Variants in DMRTA1 observed in about 807,000 individuals in gnomAD.
DMRTA1 encodes the protein DMRT like family A1.
DMRTA1 carries 34 observed loss-of-function variants against 35.2 expected under a neutral mutation model. That is an observed-to-expected ratio of 0.97 (90% CI 0.74 to 1.29). The LOEUF (loss-of-function observed/expected upper bound fraction) is 1.29, where lower values mean the gene tolerates loss of function less well. Among genes scored for constraint, DMRTA1 ranks in the 50% most tolerant of loss-of-function variants. The pLI, the probability that DMRTA1 is intolerant of heterozygous loss-of-function variation, is 0.00. For synonymous variants in DMRTA1, 344 were observed against 276.6 expected, an observed-to-expected ratio of 1.24 and a Z score of -2.42; for missense variants, 824 against 644.6, an observed-to-expected ratio of 1.28 and a Z score of -3.01.
chr9:22,453,278 T>C lies in DMRTA1; in HGVS notation c.*1367T>C, dbSNP rs953601702. On this transcript the variant is annotated 3_prime_UTR_variant, in exon 2 of 2. Coordinates refer to ENST00000325870, the MANE Select transcript of DMRTA1 (RefSeq NM_022160.3). ...TTTTTAAATTATATGTATATACGTA[T>C]GTGTGTATGCATCTATATGCACATA... The C allele has an allele frequency of 2.6e-5, 4 of 152,116 alleles. No individual in the cohort carries two copies. The highest frequency in any genetic ancestry group is 5.9e-5 in the Non-Finnish European group (4 of 67,950). 9.4% of individuals were successfully genotyped at this position (152,116 alleles called of 1,614,324 possible). A position where few individuals can be genotyped will look rare whatever the true frequency, so the allele number is the denominator to read the frequency against.
rs1818976503 is a variant in DMRTA1 at position 22,454,425 on chromosome 9, T to C, written c.*2514T>C. On this transcript the variant is annotated 3_prime_UTR_variant, in exon 2 of 2. Transcript: ENST00000325870. ...TTCAACACCTATTTAATATTTTTAA[T>C]AATCTATTTGTGCCATGCACTGTGT... 1 of 152,230 alleles carries C rather than the reference T, an allele frequency of 6.6e-6. No individual in the cohort carries two copies. Among genetic ancestry groups the C allele is most frequent in the Admixed American group, 6.5e-5 (1 of 15,288 alleles). The allele number at this position is 152,230 out of a possible 1,614,324, so 9.4% of individuals were successfully genotyped here.
At position 22,450,209 on chromosome 9, in the gene DMRTA1, G is replaced by A. The variant is rs114337440; in HGVS notation, c.668-855G>A. Among the ~76,000 whole-genome samples, 811 of 152,228 alleles carry A rather than the reference G, an allele frequency of 5.3e-3. 8 individuals are homozygous for A. The highest frequency in any genetic ancestry group is 0.018 in the African/African-American group (738 of 41,570). On this transcript the variant is annotated intron_variant, in intron 1 of 1. Coordinates refer to ENST00000325870, the MANE Select transcript of DMRTA1 (RefSeq NM_022160.3). ...GAAAATTGCCCCTAACATTGGAGGA[G>A]GGCTGTGATTTAAAGCAAATGCCTA...
In DMRTA1 at chr9:22,451,516, A is replaced by C; in HGVS notation, c.1120A>C (p.Arg374=). The change falls in exon 2 of 2, where the codon AGG becomes CGG. Residue 374 remains arginine (R), a synonymous_variant. Transcript: ENST00000325870. The part of the protein sequence containing the change: ...LNGKEHKPDN[R]NLANSEELEN... ...TGGCAAAGAACACAAGCCAGACAAC[A>C]GGAACCTAGCAAACTCAGAAGAACT... The C allele has an allele frequency of 6.2e-7, 1 of 1,614,178 alleles. No homozygotes were observed. Among genetic ancestry groups the C allele is most frequent in the Non-Finnish European group, 8.5e-7 (1 of 1,179,988 alleles).
Position 22,447,431 on chromosome 9 carries a change from G to A in DMRTA1, c.366G>A (p.Ala122=). The change falls in exon 1 of 2, where the codon GCG becomes GCA. Residue 122 remains alanine, a synonymous_variant. Transcript: ENST00000325870. ...HKRFCRWRDC[A]CAKCTLIAER... is the part of the protein sequence containing the mutation. ...GCTTCTGCCGCTGGCGGGACTGCGC[G>A]TGTGCCAAGTGCACCCTGATCGCCG... 6.4e-7 allele frequency: 1 copy of A among 1,552,302 alleles called. No homozygotes were observed. The highest frequency in any genetic ancestry group is 1.2e-5 in the South Asian group (1 of 84,824).
Position 22,447,279 on chromosome 9 carries a change from G to C in DMRTA1, c.214G>C (p.Gly72Arg), listed in dbSNP as rs1385077857. The change falls in exon 1 of 2, where the codon GGA (glycine) becomes CGA (arginine). Residue 72 changes from glycine (G) to arginine (R), a missense_variant. Physicochemically the swap from Gly to Arg is moderately radical, Grantham distance 125. Coordinates refer to ENST00000325870, the MANE Select transcript of DMRTA1 (RefSeq NM_022160.3). ...CGCCGCTGCCGCCACCTCGGGAAGC[G>C]GAGGCTGCCCGCCGGCTCCCGGGCT... is the stretch of plus-strand genomic sequence containing the variant. ...AAAAAATSGS[G>R]GCPPAPGLES... 7 of 1,506,346 alleles carry C rather than the reference G, an allele frequency of 4.6e-6. No homozygotes were observed. Among genetic ancestry groups the C allele is most frequent in the Non-Finnish European group, 4.4e-6 (5 of 1,133,936 alleles). The allele number at this position is 1,506,346 out of a possible 1,614,324, so 93.3% of individuals were successfully genotyped here.
chr9:22,450,194 C>T (rs142085974), intron 1 of DMRTA1, among the ~76,000 whole-genome samples: 2 of 152,096 alleles, frequency 1.3e-5, no homozygotes, highest in East Asian at 3.9e-4. Context: ...GAAAATTGCC[C>T]CTAACATTGG....
chr9:22,450,696 T>C (rs561018646), intron 1 of DMRTA1, among the ~76,000 whole-genome samples: 1 of 152,284 alleles, frequency 6.6e-6, no homozygotes, highest in Admixed American at 6.5e-5. Flanking sequence ...CAACAAAACT[T>C]AGGTGACATT....
chr9:22,450,507 A>G (rs1587669336), intron 1 of DMRTA1, among the ~76,000 whole-genome samples: 1 of 152,090 alleles, frequency 6.6e-6, no homozygotes, highest in African/African-American at 2.4e-5. Flanking sequence ...TTTTTTTTAC[A>G]TTATTCAAGT....
chr9:22,453,042 A>G lies in DMRTA1; in HGVS notation c.*1131A>G, dbSNP rs1818955510. ...TGTCCTCCCTCTGGCGCATTTGAAA[A>G]CTATTTATTTCAGTCAGTGGAAAGT... is the stretch of plus-strand genomic sequence containing the variant. On this transcript the variant is annotated 3_prime_UTR_variant, in exon 2 of 2. Coordinates refer to ENST00000325870, the MANE Select transcript of DMRTA1 (RefSeq NM_022160.3). 1 of 152,052 alleles carries G rather than the reference A, an allele frequency of 6.6e-6. No individual in the cohort carries two copies. The highest frequency in any genetic ancestry group is 2.4e-5 in the African/African-American group (1 of 41,424). 9.4% of individuals were successfully genotyped at this position (152,052 alleles called of 1,614,324 possible).
rs747359394 is a variant in DMRTA1 at position 22,447,254 on chromosome 9, CGCCGCT to C, written c.195_200del (p.Ala66_Ala67del). 9.9e-5 allele frequency: 149 copies of C among 1,500,952 alleles called. No individual in the cohort carries two copies. Among genetic ancestry groups the C allele is most frequent in the Non-Finnish European group, 1.3e-4 (142 of 1,132,398 alleles). The allele number at this position is 1,500,952 out of a possible 1,614,324, so 93.0% of individuals were successfully genotyped here. A position where few individuals can be genotyped will look rare whatever the true frequency, so the allele number is the denominator to read the frequency against. ...TGCGAGCAGCGGCCGCGGCCGCCGC[CGCCGCT>C]GCCGCCACCTCGGGAAGCGGAGGCT... is the stretch of plus-strand genomic sequence containing the variant. On this transcript the variant is annotated inframe_deletion, in exon 1 of 2. Coordinates refer to ENST00000325870, the MANE Select transcript of DMRTA1 (RefSeq NM_022160.3).
chr9:22,446,918 T>G lies in DMRTA1; in HGVS notation c.-148T>G. On this transcript the variant is annotated 5_prime_UTR_variant, in exon 1 of 2. Coordinates refer to ENST00000325870, the MANE Select transcript of DMRTA1 (RefSeq NM_022160.3). ...CGCGGTCGTCCCAACTCCTTCCGAG[T>G]GGAAAGAGTGTAAAACTTTTGTCCG... 2 of 984,536 alleles carry G rather than the reference T, an allele frequency of 2.0e-6. No homozygotes were observed. Among genetic ancestry groups the G allele is most frequent in the South Asian group, 3.4e-5 (2 of 59,360 alleles). The allele number at this position is 984,536 out of a possible 1,614,324, so 61.0% of individuals were successfully genotyped here. A position where few individuals can be genotyped will look rare whatever the true frequency, so the allele number is the denominator to read the frequency against.
intron 1 of DMRTA1, among the ~76,000 whole-genome samples, chr9:22,448,718 T>C (rs147289357): frequency 7.9e-5 from 12 of 152,300 alleles, no homozygotes; most frequent in Non-Finnish European, 8.8e-5. Context: ...ATTATGAAAA[T>C]TGCAGATCTC....
At chr9:22,449,115 C>G (rs1006221001) in intron 1 of DMRTA1, among the ~76,000 whole-genome samples, 1 of 151,532 alleles carries the variant, frequency 6.6e-6, no homozygotes, top group African/African-American at 2.4e-5. Flanking sequence ...GATGCCCCCT[C>G]CCCCATAAGA....
At position 22,446,957 on chromosome 9, in the gene DMRTA1, C is replaced by A; in HGVS notation, c.-109C>A. ...AACTTTTGTCCGTGCGCGGGTGGAG[C>A]TCAGTAGGACCACGGCGCGTCCTGC... On this transcript the variant is annotated 5_prime_UTR_variant, in exon 1 of 2. Transcript: ENST00000325870. The A allele has an allele frequency of 2.2e-6, 3 of 1,391,488 alleles. No individual in the cohort carries two copies. The highest frequency in any genetic ancestry group is 2.9e-6 in the Non-Finnish European group (3 of 1,028,426). 86.2% of individuals were successfully genotyped at this position (1,391,488 alleles called of 1,614,324 possible).
At chr9:22,448,951 T>A (rs556437067) in intron 1 of DMRTA1, among the ~76,000 whole-genome samples, 1 of 152,338 alleles carries the variant, frequency 6.6e-6, no homozygotes, top group Non-Finnish European at 1.5e-5. Flanking sequence ...AAAAGTGCTA[T>A]GAAAGAGAAG....
intron 1 of DMRTA1, among the ~76,000 whole-genome samples, chr9:22,448,330 G>A (rs916082413): frequency 5.9e-5 from 9 of 152,306 alleles, no homozygotes; most frequent in Middle Eastern, 3.4e-3. Flanking sequence ...TTTGTTGCAA[G>A]CTTGATGTGG....
At position 22,454,725 on chromosome 9, in the gene DMRTA1, CATAT is replaced by C. The variant is rs1358976065; in HGVS notation, c.*2816_*2819del. On this transcript the variant is annotated 3_prime_UTR_variant, in exon 2 of 2. Coordinates refer to ENST00000325870, the MANE Select transcript of DMRTA1 (RefSeq NM_022160.3). ...AAAATGAATTGGGTTTATTCTGTAT[CATAT>C]AGAGGGCCTAAGAGGCAAACATTTC... The C allele has an allele frequency of 6.6e-6, 1 of 152,066 alleles. No individual in the cohort carries two copies. Among genetic ancestry groups the C allele is most frequent in the Admixed American group, 6.6e-5 (1 of 15,256 alleles). The allele number at this position is 152,066 out of a possible 1,614,324, so 9.4% of individuals were successfully genotyped here.
chr9:22,451,864 A>G lies in DMRTA1; in HGVS notation c.1468A>G (p.Ile490Val), dbSNP rs1164647734. 1.5e-5 allele frequency: 24 copies of G among 1,613,872 alleles called. No individual in the cohort carries two copies. The highest frequency in any genetic ancestry group is 8.5e-6 in the Non-Finnish European group (10 of 1,179,896). Residue 490 changes from isoleucine (I) to valine (V), a missense_variant, in exon 2 of 2, where the codon ATA becomes GTA. Ile to Val is a conservative substitution (Grantham distance 29). Transcript: ENST00000325870. ...TTCCTACCTTTCCAGTAAAGACTCA[A>G]TAACTTGTGGCAGACTGTACTTCAG... ...DSSYLSSKDS[I>V]TCGRLYFRPN...
rs1051949248 is a variant in DMRTA1 at position 22,455,720 on chromosome 9, A to G, written c.*3809A>G. On this transcript the variant is annotated 3_prime_UTR_variant, in exon 2 of 2. Transcript: ENST00000325870. ...GGATTATTTTCAGGGCTTTCTGAAG[A>G]AAATAAACATCGAAATCATAGTTTG... The G allele has an allele frequency of 3.3e-5, 5 of 152,230 alleles. No homozygotes were observed. The highest frequency in any genetic ancestry group is 5.9e-5 in the Non-Finnish European group (4 of 68,036). The allele number at this position is 152,230 out of a possible 1,614,324, so 9.4% of individuals were successfully genotyped here. A position where few individuals can be genotyped will look rare whatever the true frequency, so the allele number is the denominator to read the frequency against.
Sources: allele counts gnomAD v4.1 joint callset (sites outside exome capture counted in the v4.1 genomes callset), GRCh38; gene constraint gnomAD v4.1.1; transcripts MANE v1.5; gene names NCBI Gene and HGNC (gene_info 2026-07-23, HGNC 2026-07-21).